Variants in PPP1R9A observed in about 807,000 individuals in gnomAD.
PPP1R9A encodes neurabin-1.
PPP1R9A carries 59 observed loss-of-function variants against 141.9 expected under a neutral mutation model. That is an observed-to-expected ratio of 0.42 (90% CI 0.34 to 0.52). The LOEUF is 0.52. PPP1R9A is among the 20% of genes least tolerant of loss of function. The pLI is 0.10. For missense variants in PPP1R9A, 1,444 were observed against 1,611.9 expected, an observed-to-expected ratio of 0.90 and a Z score of 1.78; for synonymous variants, 500 against 569.7, an observed-to-expected ratio of 0.88 and a Z score of 1.74.
At chr7:95,215,605 C>G (rs1029634973) in intron 7 of PPP1R9A, among the ~76,000 whole-genome samples, 8 of 152,184 alleles carry the variant, frequency 5.3e-5, no homozygotes, top group Admixed American at 5.2e-4. Flanking sequence ...AAAAGTGTTC[C>G]TATTTCTCCA....
intron 2 of PPP1R9A, among the ~76,000 whole-genome samples, chr7:94,959,175 T>A (rs1455044365): frequency 3.3e-5 from 5 of 151,910 alleles, no homozygotes; most frequent in Non-Finnish European, 7.4e-5. Flanking sequence ...TACTCGGTAT[T>A]TAATAACTAC....
chr7:94,967,741 G>A (rs1798374882), intron 2 of PPP1R9A, among the ~76,000 whole-genome samples: 2 of 151,886 alleles, frequency 1.3e-5, no homozygotes, highest in Admixed American at 1.3e-4. Flanking sequence ...TCTTAATCCT[G>A]AATTCTAATT....
At chr7:95,213,113 T>A (rs1187180909) in intron 7 of PPP1R9A, among the ~76,000 whole-genome samples, 1 of 151,760 alleles carries the variant, frequency 6.6e-6, no homozygotes, top group Non-Finnish European at 1.5e-5. Context: ...CTCCATGGGT[T>A]CTCCCTTCTC....
chr7:94,997,110 T>C (rs1201439255), intron 2 of PPP1R9A, among the ~76,000 whole-genome samples: 1 of 152,094 alleles, frequency 6.6e-6, no homozygotes, highest in African/African-American at 2.4e-5. Flanking sequence ...GGCCAGATAC[T>C]CTGTATGTTT....
intron 2 of PPP1R9A, among the ~76,000 whole-genome samples, chr7:95,027,224 A>C (rs1318219822): frequency 6.6e-6 from 1 of 152,114 alleles, no homozygotes; most frequent in East Asian, 1.9e-4. Flanking sequence ...TAGGCACTGG[A>C]GGGAATCTCC....
At chr7:95,247,934 T>C (rs1000786088) in intron 9 of PPP1R9A, among the ~76,000 whole-genome samples, 1 of 152,088 alleles carries the variant, frequency 6.6e-6, no homozygotes, top group East Asian at 1.9e-4. Context: ...ATCAATGTTT[T>C]ATAAACCATT....
chr7:95,071,684 A>G (rs991037720), intron 2 of PPP1R9A, among the ~76,000 whole-genome samples: 1 of 151,996 alleles, frequency 6.6e-6, no homozygotes. Flanking sequence ...ATTATAAAAG[A>G]AAGAATATGC....
chr7:95,072,268 TA>T (rs925711658), intron 2 of PPP1R9A, among the ~76,000 whole-genome samples: 3 of 145,018 alleles, frequency 2.1e-5, no homozygotes, highest in East Asian at 3.9e-4. Flanking sequence ...TATTATATAA[TA>T]ATATATAATA....
intron 4 of PPP1R9A, among the ~76,000 whole-genome samples, chr7:95,138,292 A>G (rs1326179705): frequency 6.6e-6 from 1 of 152,196 alleles, no homozygotes; most frequent in Admixed American, 6.5e-5. Context: ...CCTTTTCAGC[A>G]AAGTGCTAGA....
chr7:94,973,044 A>G (rs1421134606), intron 2 of PPP1R9A, among the ~76,000 whole-genome samples: 1 of 150,134 alleles, frequency 6.7e-6, no homozygotes, highest in African/African-American at 2.5e-5. Context: ...GGAAGTAGAA[A>G]TTACTTCGTA....
rs1818570689 is a variant in PPP1R9A at position 95,100,154 on chromosome 7, TCATGC to T, written c.1396-11103_1396-11099del. Among the ~76,000 whole-genome samples the T allele has an allele frequency of 2.0e-5, 3 of 152,240 alleles. No homozygotes were observed. The East Asian group carries it at 5.8e-4, about 29-fold the overall frequency. ...TTTAAATTTGAGGAGTCGTGGTGGC[TCATGC>T]CTGTAATCCCAGCACTTTCGGAGGC... On this transcript the variant is annotated intron_variant, in intron 2 of 19. Transcript: ENST00000433360.
intron 9 of PPP1R9A, 116 bp downstream of exon 9, chr7:95,247,642 A>G: frequency 1.2e-6 from 1 of 838,272 alleles, no homozygotes; most frequent in Non-Finnish European, 1.8e-6. Flanking sequence ...TGCAAATGTG[A>G]TAGATTCATT....
chr7:94,923,767 A>G (rs1476418013), intron 2 of PPP1R9A, among the ~76,000 whole-genome samples: 3 of 152,208 alleles, frequency 2.0e-5, no homozygotes, highest in East Asian at 3.8e-4. Flanking sequence ...GTTGTAGTAT[A>G]TAAATGATGA....
chr7:95,087,256 C>T (rs1215239892), intron 2 of PPP1R9A, among the ~76,000 whole-genome samples: 2 of 151,970 alleles, frequency 1.3e-5, no homozygotes, highest in Non-Finnish European at 2.9e-5. Context: ...GTATAGCACT[C>T]AGATGTTTAC....
rs1362206427 is a variant in PPP1R9A at position 95,291,931 on chromosome 7, T to A, written c.*1628T>A. ...TTTTAATAACAGTGTGATTTTTTTT[T>A]ATCTGAAAATCTGAATTCAGAAATT... On this transcript the variant is annotated 3_prime_UTR_variant, in exon 20 of 20. Transcript: ENST00000433360. The A allele has an allele frequency of 1.3e-5, 2 of 152,192 alleles. No individual in the cohort carries two copies. Among genetic ancestry groups the A allele is most frequent in the South Asian group, 2.1e-4 (1 of 4,826 alleles). The allele number at this position is 152,192 out of a possible 1,614,324, so 9.4% of individuals were successfully genotyped here. A position where few individuals can be genotyped will look rare whatever the true frequency, so the allele number is the denominator to read the frequency against.
rs533835491 is a variant in PPP1R9A, at chr7:94,940,633, TAA to T, written c.1395+29126_1395+29127del. On this transcript the variant is annotated intron_variant, in intron 2 of 19. Transcript: ENST00000433360. ...CCTCTAGAGTTCTTAAAAATAATTA[TAA>T]GTCTCTTCAGAATCCCTCTAAATGT... Among the ~76,000 whole-genome samples, 524 of 152,132 alleles carry T rather than the reference TAA, an allele frequency of 3.4e-3. 3 individuals are homozygous for T. Among genetic ancestry groups the T allele is most frequent in the African/African-American group, 0.012 (491 of 41,554 alleles).
At chr7:94,923,719 G>A (rs1371443293) in intron 2 of PPP1R9A, among the ~76,000 whole-genome samples, 1 of 152,076 alleles carries the variant, frequency 6.6e-6, no homozygotes, top group African/African-American at 2.4e-5. Context: ...CTCATCTATT[G>A]GGTAATTTTC....
At chr7:95,123,385 A>G (rs2152494816) in intron 4 of PPP1R9A, among the ~76,000 whole-genome samples, 1 of 152,328 alleles carries the variant, frequency 6.6e-6, no homozygotes. Flanking sequence ...GAGGTGGCTT[A>G]TGCCTGTAAT....
intron 8 of PPP1R9A, among the ~76,000 whole-genome samples, chr7:95,231,458 C>T (rs1000543672): frequency 6.6e-6 from 1 of 152,076 alleles, no homozygotes; most frequent in Non-Finnish European, 1.5e-5. Context: ...TTCTATTCAT[C>T]GGCACATGGA....
Sources: allele counts gnomAD v4.1 joint callset (sites outside exome capture counted in the v4.1 genomes callset), GRCh38; gene constraint gnomAD v4.1.1; transcripts MANE v1.5; gene names NCBI Gene and HGNC (gene_info 2026-07-23, HGNC 2026-07-21).